Variants in TMTC2 observed in about 807,000 individuals in gnomAD.
TMTC2 encodes protein O-mannosyl-transferase TMTC2.
TMTC2 carries 43 observed loss-of-function variants against 82.4 expected under a neutral mutation model. That is an observed-to-expected ratio of 0.52 (90% CI 0.41 to 0.67). TMTC2 has a LOEUF of 0.67. TMTC2 is among the 30% of genes least tolerant of loss of function. The pLI is 0.00. For synonymous variants in TMTC2, 408 were observed against 381.9 expected, an observed-to-expected ratio of 1.07 and a Z score of -0.80; for missense variants, 919 against 1,012.4, an observed-to-expected ratio of 0.91 and a Z score of 1.25.
chr12:83,048,070 T>C (rs546258963), intron 9 of TMTC2, among the ~76,000 whole-genome samples: 148 of 152,358 alleles, frequency 9.7e-4, no homozygotes, highest in African/African-American at 3.3e-3. Flanking sequence ...TACATTATCC[T>C]TTGTTTGAAT....
intron 3 of TMTC2, among the ~76,000 whole-genome samples, chr12:82,917,941 A>G (rs1875114068): frequency 6.6e-6 from 1 of 152,046 alleles, no homozygotes; most frequent in Non-Finnish European, 1.5e-5. Context: ...TCTGTCACCC[A>G]GGCTAGAGTG....
chr12:82,750,541 A>G (rs765955694), intron 1 of TMTC2, among the ~76,000 whole-genome samples: 2 of 151,930 alleles, frequency 1.3e-5, no homozygotes, highest in Non-Finnish European at 2.9e-5. Flanking sequence ...GCTGATATGT[A>G]GAGAGGTTTT....
chr12:82,983,694 A>G (rs1879030103), intron 7 of TMTC2, among the ~76,000 whole-genome samples: 1 of 151,994 alleles, frequency 6.6e-6, no homozygotes, highest in Admixed American at 6.6e-5. Flanking sequence ...ACTTTTTTAA[A>G]CTGGCCTATA....
intron 1 of TMTC2, among the ~76,000 whole-genome samples, chr12:82,816,103 T>G (rs912282463): frequency 2.6e-5 from 4 of 151,918 alleles, no homozygotes; most frequent in African/African-American, 9.7e-5. Context: ...TAAAAAGAAG[T>G]TAAGGCAATT....
intron 8 of TMTC2, among the ~76,000 whole-genome samples, chr12:82,993,070 T>G (rs1879465472): frequency 6.6e-6 from 1 of 152,118 alleles, no homozygotes; most frequent in South Asian, 2.1e-4. Flanking sequence ...CTGCAACCTC[T>G]GCCTCCCGGA....
At chr12:82,711,883 T>G (rs1161542951) in intron 1 of TMTC2, among the ~76,000 whole-genome samples, 1 of 152,220 alleles carries the variant, frequency 6.6e-6, no homozygotes, top group Non-Finnish European at 1.5e-5. Flanking sequence ...AGGTTCACAT[T>G]TTTATTGACA....
chr12:82,976,723 A>T (rs1404030351), intron 7 of TMTC2, among the ~76,000 whole-genome samples: 1 of 152,092 alleles, frequency 6.6e-6, no homozygotes, highest in East Asian at 1.9e-4. Context: ...GCTAAAAGTT[A>T]CACCAGGTTT....
intron 8 of TMTC2, among the ~76,000 whole-genome samples, chr12:83,029,469 C>A (rs11115551): frequency 0.11 from 16,043 of 152,122 alleles, 1,345 homozygotes; most frequent in East Asian, 0.27. Flanking sequence ...ATACCTCTAA[C>A]TTTAGAAAAT....
intron 4 of TMTC2, among the ~76,000 whole-genome samples, chr12:82,931,834 C>T (rs1281968149): frequency 1.3e-5 from 2 of 152,224 alleles, no homozygotes; most frequent in East Asian, 1.9e-4. Context: ...CTGTATTAAT[C>T]CCGGAAAAAG....
At chr12:82,972,511 C>T (rs1592666887) in intron 7 of TMTC2, among the ~76,000 whole-genome samples, 1 of 151,986 alleles carries the variant, frequency 6.6e-6, no homozygotes, top group African/African-American at 2.4e-5. Context: ...GGGCTGTTCA[C>T]AGAGAACGAG....
intron 3 of TMTC2, among the ~76,000 whole-genome samples, chr12:82,910,618 G>A (rs188452301): frequency 1.3e-5 from 2 of 152,318 alleles, no homozygotes; most frequent in African/African-American, 4.8e-5. Context: ...AGAATGAGTG[G>A]AAGGTTTGAT....
chr12:82,813,724 A>G (rs1413054792), intron 1 of TMTC2, among the ~76,000 whole-genome samples: 1 of 152,030 alleles, frequency 6.6e-6, no homozygotes, highest in African/African-American at 2.4e-5. Context: ...TGTTTTATAT[A>G]TAGCAATATT....
intron 2 of TMTC2, among the ~76,000 whole-genome samples, chr12:82,882,022 C>T (rs1276674356): frequency 6.3e-5 from 7 of 110,308 alleles, no homozygotes; most frequent in Non-Finnish European, 1.2e-4. Flanking sequence ...TTTTTTGAGA[C>T]GGAGTCTCTC....
intron 11 of TMTC2, among the ~76,000 whole-genome samples, chr12:83,076,064 G>C (rs1482829459): frequency 2.0e-5 from 3 of 152,332 alleles, no homozygotes; most frequent in East Asian, 3.9e-4. Flanking sequence ...CTAACTGTTG[G>C]CGTGGGCAAG....
intron 1 of TMTC2, among the ~76,000 whole-genome samples, chr12:82,692,185 ATCTG>A (rs1486947269): frequency 6.6e-6 from 1 of 152,152 alleles, no homozygotes; most frequent in Non-Finnish European, 1.5e-5. Context: ...GAAAATTGCC[ATCTG>A]TCTCTTAGTT....
chr12:83,085,000 A>T (rs746793254), intron 11 of TMTC2, among the ~76,000 whole-genome samples: 3 of 152,266 alleles, frequency 2.0e-5, no homozygotes, highest in Non-Finnish European at 4.4e-5. Context: ...CTAGTCGTGG[A>T]TCTATTGGGT....
intron 6 of TMTC2, 68 bp downstream of exon 6, chr12:82,965,812 C>T (rs765158374): frequency 5.1e-6 from 8 of 1,568,276 alleles, no homozygotes; most frequent in South Asian, 3.3e-5. Context: ...GGTTTGTAAC[C>T]TACAGCCTCC....
At chr12:82,731,321 T>C (rs933738573) in intron 1 of TMTC2, among the ~76,000 whole-genome samples, 3 of 152,200 alleles carry the variant, frequency 2.0e-5, no homozygotes, top group African/African-American at 7.2e-5. Flanking sequence ...GGCTCCAGAG[T>C]GTCTGGCCCT....
At chr12:82,749,914 T>C (rs1875894192) in intron 1 of TMTC2, among the ~76,000 whole-genome samples, 2 of 151,958 alleles carry the variant, frequency 1.3e-5, no homozygotes, top group African/African-American at 2.4e-5. Context: ...ATTTTTACAT[T>C]TTTCGTGGAG....
Sources: allele counts gnomAD v4.1 joint callset (sites outside exome capture counted in the v4.1 genomes callset), GRCh38; gene constraint gnomAD v4.1.1; transcripts MANE v1.5; gene names NCBI Gene and HGNC (gene_info 2026-07-23, HGNC 2026-07-21).